The following NOTCH2 variants were observed in gnomAD, a reference collection of about 807,000 sequenced individuals.
NOTCH2 encodes the protein notch receptor 2, also known as neurogenic locus notch homolog protein 2.
A neutral mutation model predicts 235.8 loss-of-function variants in NOTCH2; 29 were observed. The ratio of observed to expected loss-of-function variants is 0.12; its 90% CI spans 0.09 to 0.17. NOTCH2 has a LOEUF of 0.17. Ranked by LOEUF, NOTCH2 falls within the 10% of genes least tolerant of loss-of-function variation. NOTCH2 has a pLI of 1.00. For synonymous variants in NOTCH2, 1,086 were observed against 1,141.5 expected, an observed-to-expected ratio of 0.95 and a Z score of 0.98; for missense variants, 2,285 against 3,150.2, an observed-to-expected ratio of 0.73 and a Z score of 6.57.
At chr1:119,945,448 GA>G (rs1379321177) in intron 17 of NOTCH2, among the ~76,000 whole-genome samples, 3 of 151,882 alleles carry the variant, frequency 2.0e-5, no homozygotes, top group African/African-American at 7.2e-5. Context: ...TCATACTGGA[GA>G]AAAAAAGACA....
At chr1:120,042,223 A>G (rs1174086916) in intron 1 of NOTCH2, among the ~76,000 whole-genome samples, 12 of 98,316 alleles carry the variant, frequency 1.2e-4, no homozygotes, top group African/African-American at 6.4e-4. Context: ...GAGCAGGCCC[A>G]GTAGTTTTCT....
chr1:119,937,471 G>GAAA lies in NOTCH2; in HGVS notation c.3338-8_3338-6dup. ...ACAAGTGTTCAACAAGCACACCTGG[G>GAAA]AAACCCAGTGAGGGAGAAATGTCAT... On this transcript the variant is annotated splice_region_variant and splice_polypyrimidine_tract_variant and intron_variant, in intron 20 of 33. Coordinates refer to ENST00000256646, the MANE Select transcript of NOTCH2 (RefSeq NM_024408.4). 1.2e-6 allele frequency: 2 copies of GAAA among 1,612,506 alleles called. No homozygotes were observed. The highest frequency in any genetic ancestry group is 1.7e-5 in the Admixed American group (1 of 59,854).
rs782057779 is a variant in NOTCH2 at position 119,936,285 on chromosome 1, A to G, written c.3523-681T>C. On this transcript the variant is annotated intron_variant, in intron 21 of 33. Coordinates refer to ENST00000256646, the MANE Select transcript of NOTCH2 (RefSeq NM_024408.4). ...GACAGCAAGTAAACTCTGGGAAAGAAGGATCAGAGAAGGAGTCTAGGTGAT... is the reference window on the plus strand; with the variant it reads ...GACAGCAAGTAAACTCTGGGAAAGAGGGATCAGAGAAGGAGTCTAGGTGAT... 8.9e-4 allele frequency among the ~76,000 whole-genome samples: 135 copies of G among 152,328 alleles called. 1 individual carries two copies. The highest frequency in any genetic ancestry group is 1.6e-3 in the Non-Finnish European group (109 of 68,026).
chr1:119,959,336 T>C (rs1570693601), intron 12 of NOTCH2, 56 bp downstream of exon 12: 1 of 924,716 alleles, frequency 1.1e-6, no homozygotes, highest in Non-Finnish European at 1.8e-6. Context: ...CTTTGGATGC[T>C]ATATTCCCAA....
intron 5 of NOTCH2, among the ~76,000 whole-genome samples, chr1:119,981,082 GTAT>G (rs1420516602): frequency 6.6e-6 from 1 of 152,100 alleles, no homozygotes; most frequent in Non-Finnish European, 1.5e-5. Context: ...GTCCCTGCCT[GTAT>G]TCTGAGCTCC....
intron 19 of NOTCH2, among the ~76,000 whole-genome samples, chr1:119,938,698 T>G (rs1481632880): frequency 1.3e-5 from 2 of 152,116 alleles, no homozygotes; most frequent in Non-Finnish European, 2.9e-5. Flanking sequence ...TTTTTTTTTT[T>G]GAGACGGAGT....
At chr1:119,986,638 C>G (rs1261603710) in intron 5 of NOTCH2, among the ~76,000 whole-genome samples, 4 of 152,154 alleles carry the variant, frequency 2.6e-5, no homozygotes, top group Admixed American at 2.6e-4. Context: ...TAAGCATCTA[C>G]TATGTTCCAG....
intron 19 of NOTCH2, among the ~76,000 whole-genome samples, chr1:119,939,190 C>A (rs1436914885): frequency 1.3e-5 from 2 of 152,166 alleles, no homozygotes; most frequent in African/African-American, 2.4e-5. Context: ...TGGCCAAAAA[C>A]AGATTTTTCC....
rs1648979217 is a variant in NOTCH2 at position 119,914,033 on chromosome 1, G to A, written c.*1273C>T. The A allele has an allele frequency of 8.6e-6, 2 of 233,204 alleles. No homozygotes were observed. Among genetic ancestry groups the A allele is most frequent in the Non-Finnish European group, 1.7e-5 (2 of 118,018 alleles). The allele number at this position is 233,204 out of a possible 1,614,324, so 14.4% of individuals were successfully genotyped here. A position where few individuals can be genotyped will look rare whatever the true frequency, so the allele number is the denominator to read the frequency against. ...TGGTGAGCAGGCCTTTAAGCAGCAA[G>A]ATAATCAGTAGAGACTGATCATCTG... On this transcript the variant is annotated 3_prime_UTR_variant, in exon 34 of 34. Coordinates refer to ENST00000256646, the MANE Select transcript of NOTCH2 (RefSeq NM_024408.4).
intron 1 of NOTCH2, among the ~76,000 whole-genome samples, chr1:120,048,008 C>T (rs1310330190): frequency 1.1e-4 from 17 of 151,676 alleles, no homozygotes; most frequent in African/African-American, 1.9e-4. Flanking sequence ...TCTCGTGATC[C>T]GCCTGCCTTG....
intron 5 of NOTCH2, among the ~76,000 whole-genome samples, chr1:119,985,933 T>C (rs781972506): frequency 9.9e-5 from 15 of 152,188 alleles, no homozygotes; most frequent in Non-Finnish European, 2.1e-4. Flanking sequence ...GTTTGGGAAT[T>C]AAAAGCAGAA....
At chr1:119,958,938 C>T (rs1403857489) in intron 12 of NOTCH2, among the ~76,000 whole-genome samples, 4 of 152,062 alleles carry the variant, frequency 2.6e-5, no homozygotes, top group African/African-American at 9.7e-5. Flanking sequence ...TTTCAGAAGA[C>T]GAAGTACCCA....
chr1:119,918,464 C>T lies in NOTCH2; in HGVS notation c.5871G>A (p.Glu1957=), dbSNP rs587718458. 27 of 1,614,186 alleles carry T rather than the reference C, an allele frequency of 1.7e-5. No individual in the cohort carries two copies. The African/African-American group carries it at 3.2e-4, about 19-fold the overall frequency. ...AGTTGATCAGTTCTGCCACCATTCC[C>T]TCCACAGCCAGGCGGGCAGCCAGGA... ...PLILAARLAV[E]GMVAELINCQ... The change falls in exon 32 of 34, where the codon GAG becomes GAA. Residue 1957 remains glutamate, a synonymous_variant. Coordinates refer to ENST00000256646, the MANE Select transcript of NOTCH2 (RefSeq NM_024408.4).
intron 24 of NOTCH2, among the ~76,000 whole-genome samples, chr1:119,926,087 T>C (rs1288892892): frequency 6.6e-6 from 1 of 152,192 alleles, no homozygotes; most frequent in Non-Finnish European, 1.5e-5. Flanking sequence ...TGCTTCCAAA[T>C]GGTTCCTGCT....
chr1:119,983,798 T>C (rs191248626), intron 5 of NOTCH2, among the ~76,000 whole-genome samples: 1 of 152,324 alleles, frequency 6.6e-6, no homozygotes, highest in East Asian at 1.9e-4. Flanking sequence ...TTTATGTATA[T>C]GTAGTTACAA....
chr1:120,029,628 C>T (rs367571669), intron 2 of NOTCH2, among the ~76,000 whole-genome samples: 2 of 152,054 alleles, frequency 1.3e-5, no homozygotes, highest in East Asian at 3.9e-4. Flanking sequence ...GGATTACCAG[C>T]ATGAGCCACC....
At chr1:120,002,549 G>T (rs1652804988) in intron 3 of NOTCH2, among the ~76,000 whole-genome samples, 1 of 145,934 alleles carries the variant, frequency 6.9e-6, no homozygotes, top group East Asian at 2.0e-4. Context: ...AACATAACCT[G>T]CTGAGGTGTT....
At chr1:119,986,615 C>CT (rs1174023734) in intron 5 of NOTCH2, among the ~76,000 whole-genome samples, 2 of 152,126 alleles carry the variant, frequency 1.3e-5, no homozygotes, top group African/African-American at 4.8e-5. Context: ...AATTTTTCCT[C>CT]TTTAATATTT....
chr1:119,919,034 C>T (rs773543655), intron 31 of NOTCH2, among the ~76,000 whole-genome samples: 9 of 152,182 alleles, frequency 5.9e-5, no homozygotes, highest in South Asian at 2.1e-4. Context: ...ATCTAATCTA[C>T]GCATTTGGGA....
Sources: gnomAD v4.1 joint callset for allele counts (sites outside exome capture counted in the v4.1 genomes callset) on GRCh38, gnomAD v4.1.1 for gene constraint, MANE v1.5 for transcripts, NCBI Gene and HGNC (gene_info 2026-07-23, HGNC 2026-07-21) for gene names.